The following PARD3B variants were observed in gnomAD, a reference collection of about 807,000 sequenced individuals.
The protein encoded by PARD3B is partitioning defective 3 homolog B.
A neutral mutation model predicts 130.2 loss-of-function variants in PARD3B; 103 were observed. The ratio of observed to expected loss-of-function variants is 0.79; its 90% CI spans 0.67 to 0.93. The LOEUF (loss-of-function observed/expected upper bound fraction) is 0.93. PARD3B is among the 40% of genes least tolerant of loss of function. The pLI is 0.00. For missense variants in PARD3B, 1,609 were observed against 1,499.2 expected, an observed-to-expected ratio of 1.07 and a Z score of -1.21; for synonymous variants, 583 against 553.2, an observed-to-expected ratio of 1.05 and a Z score of -0.76.
intron 18 of PARD3B, among the ~76,000 whole-genome samples, chr2:205,346,292 A>G (rs1433398221): frequency 2.0e-5 from 3 of 151,956 alleles, no homozygotes; most frequent in Non-Finnish European, 4.4e-5. Flanking sequence ...GCCATATTCC[A>G]TCTGACAATA....
chr2:204,746,180 G>A (rs1338586028), intron 2 of PARD3B, among the ~76,000 whole-genome samples: 1 of 128,092 alleles, frequency 7.8e-6, no homozygotes, highest in Non-Finnish European at 1.6e-5. Flanking sequence ...CCTTTCCTGT[G>A]ACCAAGTGTT....
chr2:204,550,386 C>G (rs180695593), intron 1 of PARD3B, among the ~76,000 whole-genome samples: 22 of 148,238 alleles, frequency 1.5e-4, no homozygotes, highest in Non-Finnish European at 2.8e-4. Flanking sequence ...TCCGCAGATG[C>G]GGAATGCATG....
chr2:205,083,771 A>T (rs1300070261), intron 4 of PARD3B, among the ~76,000 whole-genome samples: 2 of 152,014 alleles, frequency 1.3e-5, no homozygotes, highest in Admixed American at 1.3e-4. Flanking sequence ...ATGGTTTAGA[A>T]ACTTTTTTAA....
At chr2:205,374,579 T>C (rs899673005) in intron 18 of PARD3B, among the ~76,000 whole-genome samples, 1 of 152,222 alleles carries the variant, frequency 6.6e-6, no homozygotes, top group South Asian at 2.1e-4. Context: ...TTATTCTATA[T>C]ATTTTGCCTG....
chr2:205,147,991 A>T (rs1274276980), intron 10 of PARD3B, among the ~76,000 whole-genome samples: 1 of 152,168 alleles, frequency 6.6e-6, no homozygotes, highest in Non-Finnish European at 1.5e-5. Context: ...CTATACAGAC[A>T]ATACAGACAT....
intron 12 of PARD3B, among the ~76,000 whole-genome samples, chr2:205,175,829 A>G (rs1251175254): frequency 6.6e-6 from 1 of 152,214 alleles, no homozygotes; most frequent in Admixed American, 6.5e-5. Flanking sequence ...TACTCTGGAT[A>G]CAGCAGTTTT....
At chr2:205,310,719 CTTT>C (rs34032930) in intron 18 of PARD3B, among the ~76,000 whole-genome samples, 3 of 82,608 alleles carry the variant, frequency 3.6e-5, no homozygotes, top group African/African-American at 5.4e-5. Context: ...TTCTTTCTTT[CTTT>C]TTTTTTTTTT....
chr2:205,543,251 CTG>C (rs965620831), intron 21 of PARD3B, among the ~76,000 whole-genome samples: 9 of 151,942 alleles, frequency 5.9e-5, no homozygotes, highest in Non-Finnish European at 1.2e-4. Context: ...GAAAAAAAAA[CTG>C]TACATAAACC....
intron 1 of PARD3B, among the ~76,000 whole-genome samples, chr2:204,641,317 A>G (rs1402632722): frequency 6.6e-6 from 1 of 151,782 alleles, no homozygotes; most frequent in Admixed American, 6.6e-5. Context: ...TTTAGTGAAA[A>G]TGTAAAAACA....
At chr2:204,656,499 G>A (rs1005392864) in intron 1 of PARD3B, among the ~76,000 whole-genome samples, 1 of 152,072 alleles carries the variant, frequency 6.6e-6, no homozygotes, top group African/African-American at 2.4e-5. Context: ...AAGTTTAGGG[G>A]TAAGGAGACT....
chr2:204,762,439 T>G (rs1357436338), intron 2 of PARD3B, among the ~76,000 whole-genome samples: 1 of 152,134 alleles, frequency 6.6e-6, no homozygotes, highest in African/African-American at 2.4e-5. Flanking sequence ...GGCAAAGATT[T>G]TCTAAAGCTA....
intron 22 of PARD3B, among the ~76,000 whole-genome samples, chr2:205,600,957 G>T (rs1009832082): frequency 6.6e-6 from 1 of 152,182 alleles, no homozygotes; most frequent in Non-Finnish European, 1.5e-5. Context: ...TAGTGCTGCA[G>T]TGAACATACA....
chr2:204,638,615 C>T (rs2034969282), intron 1 of PARD3B, among the ~76,000 whole-genome samples: 1 of 152,044 alleles, frequency 6.6e-6, no homozygotes, highest in Non-Finnish European at 1.5e-5. Context: ...AAAGAGACAT[C>T]TTGAATGTAA....
At chr2:205,390,803 G>T (rs1051558350) in intron 18 of PARD3B, among the ~76,000 whole-genome samples, 1 of 152,260 alleles carries the variant, frequency 6.6e-6, no homozygotes, top group African/African-American at 2.4e-5. Flanking sequence ...TGTTCGTTCC[G>T]ATCATGGAAT....
chr2:204,619,171 G>A (rs1387698155), intron 1 of PARD3B, among the ~76,000 whole-genome samples: 2 of 152,148 alleles, frequency 1.3e-5, no homozygotes, highest in Non-Finnish European at 2.9e-5. Context: ...CAGCAAGGTT[G>A]CAATGCTGAG....
intron 18 of PARD3B, among the ~76,000 whole-genome samples, chr2:205,303,129 A>T (rs2042071050): frequency 2.0e-5 from 3 of 152,078 alleles, no homozygotes. Flanking sequence ...ATGCAATCCA[A>T]TATAAATGAA....
At position 205,075,683 on chromosome 2, in the gene PARD3B, C is replaced by CAA. The variant is rs55720496; in HGVS notation, c.504+28008_504+28009dup. Among the ~76,000 whole-genome samples the CAA allele has an allele frequency of 9.7e-3, 1,360 of 139,636 alleles. 14 individuals carry two copies. The highest frequency in any genetic ancestry group is 0.034 in the African/African-American group (1,291 of 38,374). 91.6% of individuals were successfully genotyped at this position (139,636 alleles called of 152,430 possible). On this transcript the variant is annotated intron_variant, in intron 4 of 22. Coordinates refer to ENST00000406610, the MANE Select transcript of PARD3B (RefSeq NM_001302769.2). ...TTTATAAGAATTTTTGCCATTCTAA[C>CAA]AAAAAAAAAAAAAAAAGAATTTTTG...
chr2:205,533,672 A>G (rs1445535324), intron 21 of PARD3B, among the ~76,000 whole-genome samples: 1 of 152,218 alleles, frequency 6.6e-6, no homozygotes, highest in African/African-American at 2.4e-5. Context: ...ATAAAAATAA[A>G]TACTAAACTT....
chr2:205,547,855 C>T (rs2052444394), intron 21 of PARD3B, among the ~76,000 whole-genome samples: 1 of 152,136 alleles, frequency 6.6e-6, no homozygotes, highest in Non-Finnish European at 1.5e-5. Flanking sequence ...TAAATCATGC[C>T]AGTACATTGG....
Sources: gnomAD v4.1 joint callset for allele counts (sites outside exome capture counted in the v4.1 genomes callset) on GRCh38, gnomAD v4.1.1 for gene constraint, MANE v1.5 for transcripts, NCBI Gene and HGNC (gene_info 2026-07-23, HGNC 2026-07-21) for gene names.